The following ABCA1 variants were observed in gnomAD, a reference collection of about 807,000 sequenced individuals.
The protein encoded by ABCA1 is phospholipid-transporting ATPase ABCA1.
A neutral mutation model predicts 262.5 loss-of-function variants in ABCA1; 133 were observed. The observed-to-expected ratio is 0.51, with a 90% CI of 0.44 to 0.59. The LOEUF (loss-of-function observed/expected upper bound fraction) is 0.59, where lower values mean the gene tolerates loss of function less well. Ranked by LOEUF, ABCA1 falls within the 20% of genes least tolerant of loss-of-function variation. The pLI is 0.00. For synonymous variants in ABCA1, 1,022 were observed against 1,043.5 expected, an observed-to-expected ratio of 0.98 and a Z score of 0.40; for missense variants, 2,452 against 2,777.5, an observed-to-expected ratio of 0.88 and a Z score of 2.63.
chr9:104,914,051 A>G (rs755836127), intron 1 of ABCA1, among the ~76,000 whole-genome samples: 163 of 151,652 alleles, frequency 1.1e-3, no homozygotes, highest in Non-Finnish European at 1.7e-3. Flanking sequence ...CACCCGCCTC[A>G]GCCTCCCAAA....
chr9:104,895,458 T>C (rs911569445), intron 2 of ABCA1, among the ~76,000 whole-genome samples: 2 of 152,124 alleles, frequency 1.3e-5, no homozygotes, highest in Non-Finnish European at 2.9e-5. Flanking sequence ...ATTCCCAGGA[T>C]TGTGACAACC....
At chr9:104,848,117 T>C (rs1050112502) in intron 7 of ABCA1, among the ~76,000 whole-genome samples, 9 of 152,252 alleles carry the variant, frequency 5.9e-5, no homozygotes, top group African/African-American at 2.2e-4. Context: ...GTGATGTTTT[T>C]ACAGCAGTGG....
intron 5 of ABCA1, among the ~76,000 whole-genome samples, chr9:104,862,656 G>GCCCCCCAC (rs1564198338): frequency 1.6e-3 from 3 of 1,934 alleles, no homozygotes; most frequent in Non-Finnish European, 2.7e-3. Context: ...GGCCGGGCCG[G>GCCCCCCAC]GCCGGGCCGG....
intron 7 of ABCA1, among the ~76,000 whole-genome samples, chr9:104,853,144 T>C (rs2119077664): frequency 6.6e-6 from 1 of 152,296 alleles, no homozygotes; most frequent in South Asian, 2.1e-4. Context: ...CAAGATCCAC[T>C]TGGTGGGAAT....
At chr9:104,798,667 T>C (rs1381799114) in intron 36 of ABCA1, 69 bp from the exon 37 acceptor site, 4 of 1,395,642 alleles carry the variant, frequency 2.9e-6, no homozygotes, top group Non-Finnish European at 4.0e-6. Flanking sequence ...AGTGAGGACA[T>C]GGACACACAG....
intron 1 of ABCA1, among the ~76,000 whole-genome samples, chr9:104,924,368 G>C (rs748040436): frequency 3.3e-5 from 5 of 152,078 alleles, no homozygotes; most frequent in Admixed American, 2.0e-4. Context: ...CCAGCACTTT[G>C]GGAGGCTGAG....
intron 1 of ABCA1, among the ~76,000 whole-genome samples, chr9:104,918,616 ATTG>A (rs1286187256): frequency 6.6e-6 from 1 of 152,208 alleles, no homozygotes; most frequent in Non-Finnish European, 1.5e-5. Context: ...ATAAATATGT[ATTG>A]TTGTTGTTAA....
chr9:104,916,650 A>T (rs1841860140), intron 1 of ABCA1, among the ~76,000 whole-genome samples: 1 of 152,198 alleles, frequency 6.6e-6, no homozygotes, highest in African/African-American at 2.4e-5. Context: ...ACGCCATTCT[A>T]CCACTGTGGG....
rs1396119662 is a variant in ABCA1, at chr9:104,786,341, C to T, written c.6358G>A (p.Gly2120Arg). The T allele has an allele frequency of 1.2e-6, 2 of 1,614,034 alleles. No individual in the cohort carries two copies. Among genetic ancestry groups the T allele is most frequent in the African/African-American group, 2.7e-5 (2 of 74,924 alleles). ...LCTRMAIMVN[G>R]RFRCLGSVQH... ...ACACTGCCAAGGCACCTGAACCTTCCATTGACCATGATTGCCATCCTAGTG... is the reference window on the plus strand; with the variant it reads ...ACACTGCCAAGGCACCTGAACCTTCTATTGACCATGATTGCCATCCTAGTG... Residue 2120 changes from glycine (G) to arginine (R), a missense_variant, in exon 48 of 50, where the codon GGA becomes AGA. Coordinates refer to ENST00000374736, the MANE Select transcript of ABCA1 (RefSeq NM_005502.4).
chr9:104,818,882 G>A lies in ABCA1; in HGVS notation c.3243C>T (p.Gly1081=). 1 of 1,611,452 alleles carries A rather than the reference G, an allele frequency of 6.2e-7. No individual in the cohort carries two copies. Among genetic ancestry groups the A allele is most frequent in the Non-Finnish European group, 8.5e-7 (1 of 1,178,928 alleles). ...GGTGTGTAGAGAGAATAATGGTGCG[G>A]CCTGCCAGGCACAAACACAAGGATG... is the stretch of plus-strand genomic sequence containing the variant. ...IWELLLKYRQ[G]RTIILSTHHM... The change falls in exon 23 of 50, where the codon GGC becomes GGT. Residue 1081 remains glycine (G), a splice_region_variant and synonymous_variant. Transcript: ENST00000374736.
chr9:104,800,202 A>T (rs1830215122), intron 35 of ABCA1, among the ~76,000 whole-genome samples: 1 of 152,162 alleles, frequency 6.6e-6, no homozygotes, highest in Admixed American at 6.5e-5. Context: ...TGAGGACCTT[A>T]TACCTTTAAC....
At chr9:104,910,031 T>C (rs1310839237) in intron 1 of ABCA1, among the ~76,000 whole-genome samples, 1 of 152,198 alleles carries the variant, frequency 6.6e-6, no homozygotes, top group East Asian at 1.9e-4. Context: ...CTGGTCTTTT[T>C]CCTTCCCGCA....
intron 3 of ABCA1, among the ~76,000 whole-genome samples, chr9:104,885,991 T>C (rs568462799): frequency 3.0e-4 from 46 of 152,284 alleles, no homozygotes; most frequent in African/African-American, 9.1e-4. Context: ...TACCCTCAGT[T>C]TTCTCATCTG....
At chr9:104,922,735 G>A (rs77386036) in intron 1 of ABCA1, among the ~76,000 whole-genome samples, 16,806 of 151,604 alleles carry the variant, frequency 0.11, 1,636 homozygotes, top group African/African-American at 0.27. Flanking sequence ...TTTTCAAGAC[G>A]GAGTCTCACT....
At position 104,824,586 on chromosome 9, in the gene ABCA1, CA is replaced by C; in HGVS notation, c.2543-9del. The C allele has an allele frequency of 1.2e-6, 2 of 1,613,280 alleles. No homozygotes were observed. The highest frequency in any genetic ancestry group is 1.7e-6 in the Non-Finnish European group (2 of 1,179,974). ...TGGGAATTCCGTACTGGCCTGAAAG[CA>C]AAGCACAGGTATGAGCCAAGCTCAG... On this transcript the variant is annotated splice_polypyrimidine_tract_variant and intron_variant, in intron 17 of 49. Transcript: ENST00000374736.
chr9:104,897,343 C>G (rs1436864241), intron 2 of ABCA1, among the ~76,000 whole-genome samples: 1 of 152,180 alleles, frequency 6.6e-6, no homozygotes, highest in African/African-American at 2.4e-5. Flanking sequence ...TCAGACACTT[C>G]AAGGGCCATT....
chr9:104,923,568 T>C (rs929571969), intron 1 of ABCA1, among the ~76,000 whole-genome samples: 2 of 152,236 alleles, frequency 1.3e-5, no homozygotes, highest in African/African-American at 4.8e-5. Flanking sequence ...GTGGTGATCA[T>C]CCTTGAAAAG....
Position 104,860,913 on chromosome 9 carries a change from C to T in ABCA1, c.543+766G>A, listed in dbSNP as rs1031226222. Among the ~76,000 whole-genome samples the T allele has an allele frequency of 4.6e-5, 7 of 152,198 alleles. No individual in the cohort carries two copies. In the East Asian group the frequency reaches 7.7e-4, roughly 17 times the overall value. On this transcript the variant is annotated intron_variant, in intron 6 of 49. Transcript: ENST00000374736. ...CTGGGACTACAGGAGCATGCCACCA[C>T]GCTGAGCTAATTTTCATATTTTTAG... is the stretch of plus-strand genomic sequence containing the variant.
At chr9:104,832,470 A>C in intron 12 of ABCA1, 104 bp downstream of exon 12, 1 of 1,234,124 alleles carries the variant, frequency 8.1e-7, no homozygotes, top group South Asian at 1.3e-5. Flanking sequence ...TGTAAATGAG[A>C]CTATACATTA....
Sources: gnomAD v4.1 joint callset for allele counts (sites outside exome capture counted in the v4.1 genomes callset) on GRCh38, gnomAD v4.1.1 for gene constraint, MANE v1.5 for transcripts, NCBI Gene and HGNC (gene_info 2026-07-23, HGNC 2026-07-21) for gene names.